Variants in TRERF1 observed in about 807,000 individuals in gnomAD.
TRERF1 encodes transcriptional-regulating factor 1.
Under a neutral mutation model 122.9 loss-of-function variants are expected in TRERF1, and 27 were observed. That is an observed-to-expected ratio of 0.22 (90% CI 0.16 to 0.30). TRERF1 has a LOEUF of 0.30. Ranked by LOEUF, TRERF1 falls within the 10% of genes least tolerant of loss-of-function variation. TRERF1 has a pLI of 1.00. For synonymous variants in TRERF1, 636 were observed against 641.7 expected, an observed-to-expected ratio of 0.99 and a Z score of 0.13; for missense variants, 1,248 against 1,560.3, an observed-to-expected ratio of 0.80 and a Z score of 3.37.
intron 3 of TRERF1, among the ~76,000 whole-genome samples, chr6:42,345,351 C>A (rs1268515845): frequency 6.6e-6 from 1 of 152,142 alleles, no homozygotes; most frequent in Non-Finnish European, 1.5e-5. Flanking sequence ...ACGGGAGAAG[C>A]ATACATTGGT....
intron 4 of TRERF1, among the ~76,000 whole-genome samples, chr6:42,283,741 C>A (rs571100595): frequency 6.6e-6 from 1 of 151,628 alleles, no homozygotes; most frequent in Admixed American, 6.6e-5. Context: ...CTCAGCCTCC[C>A]GAGTAGCTGG....
At position 42,295,897 on chromosome 6, in the gene TRERF1, A is replaced by G. The variant is rs902885353; in HGVS notation, c.-259+4741T>C. Among the ~76,000 whole-genome samples, 7 of 152,232 alleles carry G rather than the reference A, an allele frequency of 4.6e-5. No individual in the cohort carries two copies. In the South Asian group the frequency reaches 6.2e-4, roughly 13 times the overall value. On this transcript the variant is annotated intron_variant, in intron 4 of 17. Coordinates refer to ENST00000372922, the Ensembl canonical transcript of TRERF1. ...GATAGATATCAAATCAGGAAACGAC[A>G]CATGTCTAGGTGTAATATAAAGCCA... is the stretch of plus-strand genomic sequence containing the variant.
chr6:42,354,182 T>A (rs555959298), intron 3 of TRERF1, among the ~76,000 whole-genome samples: 1 of 152,328 alleles, frequency 6.6e-6, no homozygotes, highest in East Asian at 1.9e-4. Context: ...AGGGTCCAGA[T>A]GCAGCCTGCA....
chr6:42,256,783 C>T, exon 12 of TRERF1: 2 of 1,614,214 alleles, frequency 1.2e-6, no homozygotes, highest in Non-Finnish European at 1.7e-6. Flanking sequence ...AGAATTGGTC[C>T]CTCCACCTGG....
At chr6:42,249,670 CTA>C (rs1775415642) in intron 13 of TRERF1, among the ~76,000 whole-genome samples, 1 of 152,184 alleles carries the variant, frequency 6.6e-6, no homozygotes, top group Admixed American at 6.5e-5. Flanking sequence ...CCCTGCCCCT[CTA>C]TGTCACTCTC....
intron 2 of TRERF1, among the ~76,000 whole-genome samples, chr6:42,443,606 G>GTTTAT (rs1375891534): frequency 6.6e-6 from 1 of 152,178 alleles, no homozygotes; most frequent in Non-Finnish European, 1.5e-5. Flanking sequence ...AGCAAACCAA[G>GTTTAT]TTTATTTGGC....
intron 3 of TRERF1, among the ~76,000 whole-genome samples, chr6:42,353,432 T>C (rs1769866013): frequency 6.6e-6 from 1 of 151,762 alleles, no homozygotes; most frequent in African/African-American, 2.4e-5. Context: ...AGTAAAATTA[T>C]AAAAAATCAG....
Position 42,228,262 on chromosome 6 carries a change from A to G in TRERF1, c.*83T>C. ...AAAACAGGTAGTTTAAAAGGGTTAC[A>G]AAACAAGCAGGCAGTCCAGGTTTCC... On this transcript the variant is annotated 3_prime_UTR_variant, in exon 18 of 18. Coordinates refer to ENST00000372922, the Ensembl canonical transcript of TRERF1. This position sits in a 1 kb window ranked among gnomAD's most constrained non-coding sequence, Gnocchi z 4.2. 2 of 1,280,112 alleles carry G rather than the reference A, an allele frequency of 1.6e-6. No homozygotes were observed. The highest frequency in any genetic ancestry group is 2.1e-6 in the Non-Finnish European group (2 of 939,862). The allele number at this position is 1,280,112 out of a possible 1,614,324, so 79.3% of individuals were successfully genotyped here.
At chr6:42,317,990 C>T (rs1436439179) in intron 3 of TRERF1, among the ~76,000 whole-genome samples, 6 of 151,996 alleles carry the variant, frequency 3.9e-5, no homozygotes, top group Non-Finnish European at 8.8e-5. Context: ...CCCGTCTCTA[C>T]TAAAAATACA....
At chr6:42,265,403 A>G (rs1238739157) in intron 6 of TRERF1, among the ~76,000 whole-genome samples, 4 of 152,224 alleles carry the variant, frequency 2.6e-5, no homozygotes, top group Non-Finnish European at 5.9e-5. Context: ...TGCACAGTGG[A>G]CAGAACATGG....
chr6:42,262,327 C>T (rs73733134), intron 8 of TRERF1, among the ~76,000 whole-genome samples: 3 of 151,954 alleles, frequency 2.0e-5, no homozygotes, highest in Non-Finnish European at 2.9e-5. Flanking sequence ...CTCCTGGATT[C>T]CCAGCAGCTA....
chr6:42,360,601 C>T (rs1285209077), intron 3 of TRERF1, among the ~76,000 whole-genome samples: 1 of 151,764 alleles, frequency 6.6e-6, no homozygotes, highest in Non-Finnish European at 1.5e-5. Flanking sequence ...ATGGGTGGTA[C>T]AGTATGGTGG....
chr6:42,408,540 G>A (rs1279646528), intron 2 of TRERF1, among the ~76,000 whole-genome samples: 18 of 151,002 alleles, frequency 1.2e-4, no homozygotes, highest in African/African-American at 3.2e-4. Flanking sequence ...CAACACACCC[G>A]GCTAATTTTG....
chr6:42,376,052 T>C (rs1774790724), intron 2 of TRERF1, among the ~76,000 whole-genome samples: 1 of 152,062 alleles, frequency 6.6e-6, no homozygotes, highest in East Asian at 1.9e-4. Context: ...AAACTGCTTG[T>C]CCTGAAGGGG....
intron 15 of TRERF1, among the ~76,000 whole-genome samples, chr6:42,236,963 G>A (rs1289831324): frequency 6.6e-6 from 1 of 152,212 alleles, no homozygotes; most frequent in Admixed American, 6.5e-5. Flanking sequence ...CTCCACTCTG[G>A]TCTTGTCAGA....
chr6:42,396,976 G>A (rs916148365), intron 2 of TRERF1, among the ~76,000 whole-genome samples: 2 of 152,144 alleles, frequency 1.3e-5, no homozygotes, highest in African/African-American at 4.8e-5. Context: ...TTGCAGACAA[G>A]GAACACTGCA....
rs1444556396 is a variant in TRERF1, at chr6:42,268,945, G to T, written c.646C>A (p.Leu216Met). Residue 216 changes from leucine to methionine, a missense_variant, in exon 5 of 18, where the codon CTG (leucine) becomes ATG (methionine). By Grantham distance (15) the Leu-to-Met change is conservative. Coordinates refer to ENST00000372922, the Ensembl canonical transcript of TRERF1. The surrounding 1 kb of genome is among the most constrained non-coding windows in gnomAD (Gnocchi z 4.4). ...CCGACCTGAAGAGCTGGTTTGGACAGCCCACCAGTGAAACCAGGGTGAGGC... is the reference window on the plus strand; with the variant it reads ...CCGACCTGAAGAGCTGGTTTGGACATCCCACCAGTGAAACCAGGGTGAGGC... The T allele has an allele frequency of 6.2e-7, 1 of 1,612,060 alleles. No homozygotes were observed. The highest frequency in any genetic ancestry group is 1.3e-5 in the African/African-American group (1 of 74,870).
intron 2 of TRERF1, among the ~76,000 whole-genome samples, chr6:42,432,260 G>A (rs1171413532): frequency 6.6e-6 from 1 of 152,130 alleles, no homozygotes; most frequent in African/African-American, 2.4e-5. Context: ...TTTTTAAAAA[G>A]GAAAGCTTCT....
intron 3 of TRERF1, among the ~76,000 whole-genome samples, chr6:42,329,575 T>C (rs1461092297): frequency 6.6e-6 from 1 of 152,134 alleles, no homozygotes; most frequent in Non-Finnish European, 1.5e-5. Context: ...CAGTCACAGA[T>C]GCATTTGCAG....
Sources: gnomAD v4.1 joint callset for allele counts (sites outside exome capture counted in the v4.1 genomes callset) on GRCh38, gnomAD v4.1.1 for gene constraint, Gnocchi (gnomAD v3.1) non-coding constraint, MANE v1.5 for transcripts, NCBI Gene and HGNC (gene_info 2026-07-23, HGNC 2026-07-21) for gene names.